The following MYO9A variants were observed in gnomAD, a reference collection of about 807,000 sequenced individuals.
MYO9A encodes myosin IXA, also known as unconventional myosin-IXa.
In MYO9A, 103 loss-of-function variants were observed where a neutral mutation model predicts 293.3. The observed-to-expected ratio is 0.35, with a 90% CI of 0.30 to 0.41. MYO9A has a LOEUF of 0.41. Among genes scored for constraint, MYO9A ranks in the 10% least tolerant of loss-of-function variants. MYO9A has a pLI of 1.00. For synonymous variants in MYO9A, 1,001 were observed against 1,035.7 expected, an observed-to-expected ratio of 0.97 and a Z score of 0.64; for missense variants, 2,685 against 3,033.0, an observed-to-expected ratio of 0.89 and a Z score of 2.69.
At chr15:71,861,228 C>T (rs995824079) in intron 33 of MYO9A, among the ~76,000 whole-genome samples, 1 of 150,820 alleles carries the variant, frequency 6.6e-6, no homozygotes, top group African/African-American at 2.4e-5. Flanking sequence ...GGCAATTTTT[C>T]TGTGGCAAAC....
In MYO9A at chr15:71,898,368, C is replaced by T. The variant is rs755957075; in HGVS notation, c.4135G>A (p.Glu1379Lys). 6 of 1,613,476 alleles carry T rather than the reference C, an allele frequency of 3.7e-6. No individual in the cohort carries two copies. In the South Asian group the frequency reaches 6.6e-5, roughly 18 times the overall value. ...TTCAAATGCTCTGCACTGCTAGTCT[C>T]ATTTGAGGCACTGAGGGCATTGTCC... is the stretch of plus-strand genomic sequence containing the variant. ...SRDNALSASN[E>K]TSSAEHLKDG... The change falls in exon 25 of 42, where the codon GAG (glutamate) becomes AAG (lysine). Residue 1379 changes from glutamate to lysine, a missense_variant. Coordinates refer to ENST00000356056, the MANE Select transcript of MYO9A (RefSeq NM_006901.4).
intron 22 of MYO9A, 106 bp from the exon 23 acceptor site, chr15:71,901,446 T>C (rs1425790526): frequency 8.8e-7 from 1 of 1,133,602 alleles, no homozygotes; most frequent in Admixed American, 2.8e-5. Flanking sequence ...ACAAACACAG[T>C]GGCAGGCATG....
chr15:72,080,278 G>A (rs1026675829), intron 1 of MYO9A, among the ~76,000 whole-genome samples: 14 of 145,094 alleles, frequency 9.6e-5, no homozygotes, highest in East Asian at 7.8e-4. Context: ...AACTAACAAC[G>A]TACCAATCAA....
chr15:72,063,678 A>C (rs2078938880), intron 1 of MYO9A, among the ~76,000 whole-genome samples: 1 of 152,248 alleles, frequency 6.6e-6, no homozygotes, highest in Non-Finnish European at 1.5e-5. Flanking sequence ...GATGTAAAGA[A>C]AAGGTAACAC....
At chr15:72,039,583 C>T (rs1430669138) in intron 2 of MYO9A, among the ~76,000 whole-genome samples, 1 of 152,124 alleles carries the variant, frequency 6.6e-6, no homozygotes, top group Non-Finnish European at 1.5e-5. Context: ...GTAATCCTAG[C>T]ACTTTAAGAG....
At chr15:71,941,026 A>G (rs1227441906) in intron 15 of MYO9A, among the ~76,000 whole-genome samples, 1 of 152,224 alleles carries the variant, frequency 6.6e-6, no homozygotes. Flanking sequence ...TACATCAATT[A>G]TTAAGTATTT....
At chr15:71,983,580 ACAAG>A (rs2076336308) in intron 11 of MYO9A, among the ~76,000 whole-genome samples, 1 of 142,298 alleles carries the variant, frequency 7.0e-6, no homozygotes, top group South Asian at 2.1e-4. Flanking sequence ...CTTCCCAGCT[ACAAG>A]CAATTCTCCT....
At chr15:72,037,261 C>G (rs1187626595) in intron 2 of MYO9A, among the ~76,000 whole-genome samples, 39 of 74,232 alleles carry the variant, frequency 5.3e-4, no homozygotes, top group Non-Finnish European at 5.9e-4. Context: ...CAGAATGGGG[C>G]AAAAAAAAAA....
chr15:71,827,479 T>C (rs2054551764), intron 41 of MYO9A, among the ~76,000 whole-genome samples: 1 of 152,060 alleles, frequency 6.6e-6, no homozygotes, highest in African/African-American at 2.4e-5. Flanking sequence ...GGCTTTTCTC[T>C]GTGGTAAGTA....
At chr15:71,859,867 CTTTA>C (rs1207370353) in intron 33 of MYO9A, 71 bp from the exon 34 acceptor site, 3 of 1,360,402 alleles carry the variant, frequency 2.2e-6, no homozygotes, top group South Asian at 1.2e-5. Context: ...ATCAAGTATA[CTTTA>C]TTTTAGACCT....
At chr15:72,002,456 G>A (rs894127272) in intron 8 of MYO9A, among the ~76,000 whole-genome samples, 4 of 151,936 alleles carry the variant, frequency 2.6e-5, no homozygotes, top group Admixed American at 1.3e-4. Context: ...CACCTGCCTT[G>A]GCCTCCCAAA....
At chr15:72,051,606 C>T (rs928074926) in intron 1 of MYO9A, among the ~76,000 whole-genome samples, 4 of 152,180 alleles carry the variant, frequency 2.6e-5, no homozygotes, top group African/African-American at 7.2e-5. Context: ...CCTCTCCTCA[C>T]TCCCAGCACC....
chr15:72,087,549 A>T (rs1396946731), intron 1 of MYO9A, among the ~76,000 whole-genome samples: 1 of 152,160 alleles, frequency 6.6e-6, no homozygotes, highest in Non-Finnish European at 1.5e-5. Context: ...CCCTGGAGTC[A>T]CTGGGCACCA....
At chr15:71,920,785 T>C (rs1302039862) in intron 18 of MYO9A, among the ~76,000 whole-genome samples, 2 of 150,480 alleles carry the variant, frequency 1.3e-5, no homozygotes, top group East Asian at 3.9e-4. Context: ...CTGTCTCTAG[T>C]GGAAAAAAAA....
chr15:72,027,186 G>A (rs549329761), intron 4 of MYO9A, among the ~76,000 whole-genome samples: 1 of 152,030 alleles, frequency 6.6e-6, no homozygotes, highest in East Asian at 1.9e-4. Flanking sequence ...CTGTAAAATG[G>A]GAATAAATAA....
chr15:72,037,839 G>A (rs967357893), intron 2 of MYO9A, among the ~76,000 whole-genome samples: 1 of 150,280 alleles, frequency 6.7e-6, no homozygotes, highest in Admixed American at 6.6e-5. Flanking sequence ...ATGGGAAAAT[G>A]AAAAATAGCA....
At chr15:72,064,617 G>T (rs1273567557) in intron 1 of MYO9A, among the ~76,000 whole-genome samples, 1 of 152,196 alleles carries the variant, frequency 6.6e-6, no homozygotes, top group East Asian at 1.9e-4. Flanking sequence ...TTTATGATCT[G>T]TGCATTTTAT....
At chr15:72,094,878 T>C (rs1331506846) in intron 1 of MYO9A, among the ~76,000 whole-genome samples, 1 of 91,820 alleles carries the variant, frequency 1.1e-5, no homozygotes, top group Non-Finnish European at 3.3e-5. Flanking sequence ...GATGTTACTG[T>C]AATTGTTCTG....
rs1020700917 is a variant in MYO9A, at chr15:72,112,055, C to T, written c.-72+5625G>A. Among the ~76,000 whole-genome samples the T allele has an allele frequency of 4.6e-5, 7 of 152,070 alleles. 1 individual carries two copies. The highest frequency in any genetic ancestry group is 6.3e-3 in the Middle Eastern group (2 of 316). On this transcript the variant is annotated intron_variant, in intron 1 of 41. Transcript: ENST00000356056. ...TAGGTTTGAGAATCCATATTCTCTCCACTTAATGGATTTAAGATTCACAGA... is the reference window on the plus strand; with the variant it reads ...TAGGTTTGAGAATCCATATTCTCTCTACTTAATGGATTTAAGATTCACAGA...
Sources: allele counts gnomAD v4.1 joint callset (sites outside exome capture counted in the v4.1 genomes callset), GRCh38; gene constraint gnomAD v4.1.1; transcripts MANE v1.5; gene names NCBI Gene and HGNC (gene_info 2026-07-23, HGNC 2026-07-21).